The following PTPRN2 variants were observed in gnomAD, a reference collection of about 807,000 sequenced individuals.
The protein encoded by PTPRN2 is protein tyrosine phosphatase receptor type N2.
A neutral mutation model predicts 118.8 loss-of-function variants in PTPRN2; 74 were observed. The observed-to-expected ratio is 0.62, with a 90% CI of 0.52 to 0.76. The LOEUF (loss-of-function observed/expected upper bound fraction) is 0.76. PTPRN2 is among the 30% of genes least tolerant of loss of function. PTPRN2 has a pLI of 0.00. For missense variants in PTPRN2, 1,481 were observed against 1,394.4 expected (o/e 1.06, Z -0.99); for synonymous variants, 641 against 608.0 (o/e 1.05, Z -0.80).
At chr7:158,289,574 G>A (rs777740163) in intron 3 of PTPRN2, among the ~76,000 whole-genome samples, 3 of 152,068 alleles carry the variant, frequency 2.0e-5, no homozygotes, top group Non-Finnish European at 4.4e-5. Flanking sequence ...TGATTTTATT[G>A]AATTGTTTTT....
At chr7:158,006,670 G>A (rs1457502734) in intron 11 of PTPRN2, among the ~76,000 whole-genome samples, 1 of 152,236 alleles carries the variant, frequency 6.6e-6, no homozygotes, top group African/African-American at 2.4e-5. Context: ...GGGCTTGGGA[G>A]CCACCTGGTG....
At chr7:158,491,550 A>T (rs10274893) in intron 1 of PTPRN2, among the ~76,000 whole-genome samples, 71,080 of 151,790 alleles carry the variant, frequency 0.47, 16,963 homozygotes, top group East Asian at 0.68. Context: ...AGTGCAATGG[A>T]GTGATCTTGG....
At chr7:157,551,039 C>T (rs1242018408) in intron 21 of PTPRN2, among the ~76,000 whole-genome samples, 1 of 152,102 alleles carries the variant, frequency 6.6e-6, no homozygotes, top group Admixed American at 6.5e-5. Flanking sequence ...GCTTCCTCTC[C>T]TCCTCCTCCT....
At chr7:157,980,722 C>T (rs1230605995) in intron 11 of PTPRN2, among the ~76,000 whole-genome samples, 1 of 152,210 alleles carries the variant, frequency 6.6e-6, no homozygotes, top group Non-Finnish European at 1.5e-5. Flanking sequence ...CACTGCACTC[C>T]AGCCTGAGCA....
At chr7:158,136,938 C>T (rs1818876948) in intron 7 of PTPRN2, among the ~76,000 whole-genome samples, 1 of 152,196 alleles carries the variant, frequency 6.6e-6, no homozygotes, top group Non-Finnish European at 1.5e-5. Context: ...CCACAATGAC[C>T]TCACCCAGCT....
intron 1 of PTPRN2, among the ~76,000 whole-genome samples, chr7:158,530,909 G>A (rs1269367289): frequency 2.0e-5 from 3 of 152,174 alleles, no homozygotes; most frequent in African/African-American, 4.8e-5. Flanking sequence ...GCTGGGGGGA[G>A]CTAGTGATCA....
chr7:157,897,838 C>T (rs1015797280), intron 12 of PTPRN2, among the ~76,000 whole-genome samples: 1 of 152,266 alleles, frequency 6.6e-6, no homozygotes, highest in African/African-American at 2.4e-5. Context: ...CATAAATAAG[C>T]GCTCCTTCAC....
At chr7:157,679,431 G>A (rs553743178) in intron 13 of PTPRN2, among the ~76,000 whole-genome samples, 1 of 152,184 alleles carries the variant, frequency 6.6e-6, no homozygotes, top group African/African-American at 2.4e-5. Flanking sequence ...AAATATGAGA[G>A]TCTGTCAAAA....
At chr7:157,937,681 T>C (rs529387042) in intron 11 of PTPRN2, among the ~76,000 whole-genome samples, 2 of 152,334 alleles carry the variant, frequency 1.3e-5, no homozygotes, top group Non-Finnish European at 2.9e-5. Context: ...GGGTGCGGCC[T>C]CTCTGAGTTT....
intron 12 of PTPRN2, among the ~76,000 whole-genome samples, chr7:157,883,294 A>G (rs994245514): frequency 1.4e-5 from 2 of 144,480 alleles, no homozygotes; most frequent in Non-Finnish European, 3.0e-5. Flanking sequence ...AGAACACACC[A>G]CCCCAAAATG....
chr7:158,222,194 C>A (rs1314371175), intron 3 of PTPRN2, among the ~76,000 whole-genome samples: 2 of 152,162 alleles, frequency 1.3e-5, no homozygotes, highest in Non-Finnish European at 2.9e-5. Context: ...TAACACAGAA[C>A]TACCATTCGA....
rs1266897923 is a variant in PTPRN2, at chr7:158,522,454, T to C, written c.113-32669A>G. Among the ~76,000 whole-genome samples, 91 of 151,196 alleles carry C rather than the reference T, an allele frequency of 6.0e-4. 3 individuals carry two copies. The highest frequency in any genetic ancestry group is 1.9e-3 in the African/African-American group (79 of 41,106). On this transcript the variant is annotated intron_variant, in intron 1 of 22. Transcript: ENST00000389418. ...GTCCACATCGGAATGGTAGACTGTT[T>C]AGGAGAAAGGTCCACGTCAGAATGG...
At chr7:157,708,073 C>T (rs1039015925) in intron 12 of PTPRN2, among the ~76,000 whole-genome samples, 12 of 152,368 alleles carry the variant, frequency 7.9e-5, no homozygotes, top group East Asian at 1.9e-4. Context: ...TGGGGCCAGC[C>T]GCTGGCTGCT....
chr7:157,934,977 A>G (rs746267993), intron 11 of PTPRN2, among the ~76,000 whole-genome samples: 2 of 152,166 alleles, frequency 1.3e-5, no homozygotes, highest in Non-Finnish European at 2.9e-5. Flanking sequence ...AGAGTTGTCA[A>G]ATTGTCTCCT....
In PTPRN2 at chr7:157,874,178, CCT is replaced by C. The variant is rs1464902655; in HGVS notation, c.1788+24493_1788+24494del. Among the ~76,000 whole-genome samples the C allele has an allele frequency of 3.3e-5, 5 of 152,290 alleles. No individual in the cohort carries two copies. Among genetic ancestry groups the C allele is most frequent in the Admixed American group, 3.3e-4 (5 of 15,298 alleles). Reference sequence around the variant, plus strand: ...GTCCTGCGGAAGGTGCTGAAGCGGCCCTCAGTCTGCCTCTGGCCTCCCTCTGT... The same window carrying C: ...GTCCTGCGGAAGGTGCTGAAGCGGCCCAGTCTGCCTCTGGCCTCCCTCTGT... On this transcript the variant is annotated intron_variant, in intron 12 of 22. Transcript: ENST00000389418. The surrounding 1 kb of genome is among the most constrained non-coding windows in gnomAD (Gnocchi z 5.8).
At chr7:158,299,102 G>A (rs936786499) in intron 3 of PTPRN2, among the ~76,000 whole-genome samples, 2 of 152,182 alleles carry the variant, frequency 1.3e-5, no homozygotes, top group African/African-American at 2.4e-5. Flanking sequence ...GATGATGTCA[G>A]TGCATTATTA....
Position 157,784,219 on chromosome 7 carries a change from C to G in PTPRN2, c.1789-101282G>C, listed in dbSNP as rs920954055. On this transcript the variant is annotated intron_variant, in intron 12 of 22. Coordinates refer to ENST00000389418, the MANE Select transcript of PTPRN2 (RefSeq NM_002847.5). This position sits in a 1 kb window ranked among gnomAD's most constrained non-coding sequence, Gnocchi z 4.6. The stretch of plus-strand genomic sequence containing the variant: ...ACGTGGCTTCTGGCCCAGAGCAGCT[C>G]GTGAGTCAGCCTGGCCTAGTTGGAA... Among the ~76,000 whole-genome samples the G allele has an allele frequency of 1.3e-5, 2 of 152,078 alleles. No individual in the cohort carries two copies. Among genetic ancestry groups the G allele is most frequent in the South Asian group, 4.1e-4 (2 of 4,834 alleles).
At chr7:157,548,064 G>A (rs1045064205) in intron 22 of PTPRN2, among the ~76,000 whole-genome samples, 2 of 151,964 alleles carry the variant, frequency 1.3e-5, no homozygotes, top group African/African-American at 4.9e-5. Flanking sequence ...AAACTTGGTG[G>A]AGGGTTGGTG....
At chr7:158,165,450 G>A (rs1488892349) in intron 6 of PTPRN2, among the ~76,000 whole-genome samples, 2 of 152,236 alleles carry the variant, frequency 1.3e-5, no homozygotes, top group East Asian at 3.8e-4. Context: ...GAGGAACAAG[G>A]AGAAAGCATC....
Sources: allele counts gnomAD v4.1 joint callset (sites outside exome capture counted in the v4.1 genomes callset), GRCh38; gene constraint gnomAD v4.1.1; non-coding constraint Gnocchi (gnomAD v3.1); transcripts MANE v1.5; gene names NCBI Gene and HGNC (gene_info 2026-07-23, HGNC 2026-07-21).